The following NRXN3 variants were observed in gnomAD, a reference collection of about 807,000 sequenced individuals.
NRXN3 encodes the protein neurexin III.
In NRXN3, 32 loss-of-function variants were observed where a neutral mutation model predicts 137.6. The ratio of observed to expected loss-of-function variants is 0.23; its 90% CI spans 0.18 to 0.31. The LOEUF (loss-of-function observed/expected upper bound fraction) is 0.31. Ranked by LOEUF, NRXN3 falls within the 10% of genes least tolerant of loss-of-function variation. The pLI is 1.00. For synonymous variants in NRXN3, 798 were observed against 784.5 expected (o/e 1.02, Z -0.29); for missense variants, 1,574 against 2,062.5 (o/e 0.76, Z 4.59).
At chr14:78,273,680 A>G (rs2073135830) in intron 2 of NRXN3, among the ~76,000 whole-genome samples, 1 of 152,200 alleles carries the variant, frequency 6.6e-6, no homozygotes, top group South Asian at 2.1e-4. Context: ...ATATGTGTGT[A>G]TACATATGTG....
chr14:79,855,582 A>C lies in NRXN3; in HGVS notation c.4094-5760A>C, dbSNP rs149567418. On this transcript the variant is annotated intron_variant, in intron 20 of 20. Coordinates refer to ENST00000335750, the MANE Select transcript of NRXN3 (RefSeq NM_001330195.2). ...ATAAAATGTTATTTTTAAAAAATAC[A>C]AGCTATTTGAATTATAAATTATTTC... Among the ~76,000 whole-genome samples the C allele has an allele frequency of 3.2e-3, 481 of 152,258 alleles. 3 individuals carry two copies. Among genetic ancestry groups the C allele is most frequent in the African/African-American group, 0.011 (459 of 41,578 alleles).
At chr14:78,431,863 G>A (rs1439967320) in intron 4 of NRXN3, among the ~76,000 whole-genome samples, 2 of 152,064 alleles carry the variant, frequency 1.3e-5, no homozygotes, top group Non-Finnish European at 2.9e-5. Context: ...ACATTCCTTG[G>A]AGGTAAGTAT....
chr14:79,699,039 G>A (rs11159412), intron 19 of NRXN3, among the ~76,000 whole-genome samples: 88,069 of 151,760 alleles, frequency 0.58, 26,343 homozygotes, highest in East Asian at 0.8. Context: ...ACAGCTCTTT[G>A]CATGGCTCCA....
chr14:79,530,854 C>A (rs113818521), intron 16 of NRXN3, among the ~76,000 whole-genome samples: 1 of 152,080 alleles, frequency 6.6e-6, no homozygotes, highest in Non-Finnish European at 1.5e-5. Context: ...TTGTTGTGCT[C>A]CCTTTTTCTT....
chr14:79,814,897 A>G (rs1022130372), intron 20 of NRXN3, among the ~76,000 whole-genome samples: 24 of 149,734 alleles, frequency 1.6e-4, no homozygotes, highest in Non-Finnish European at 1.5e-4. Context: ...TGAGGATGGG[A>G]AAAAAAAACT....
chr14:78,375,014 A>G (rs2087558619), intron 4 of NRXN3, among the ~76,000 whole-genome samples: 1 of 152,226 alleles, frequency 6.6e-6, no homozygotes. Context: ...AATGTTTGCC[A>G]TTCTGGCTTC....
chr14:79,225,413 T>C (rs1597473931), intron 15 of NRXN3, among the ~76,000 whole-genome samples: 1 of 152,338 alleles, frequency 6.6e-6, no homozygotes, highest in South Asian at 2.1e-4. Flanking sequence ...TCTGAGTTTC[T>C]TTCTACTCCG....
intron 17 of NRXN3, among the ~76,000 whole-genome samples, chr14:79,687,605 A>G (rs1209884773): frequency 6.6e-6 from 1 of 152,198 alleles, no homozygotes; most frequent in African/African-American, 2.4e-5. Flanking sequence ...TCAGGGCTCA[A>G]GACAAAATTC....
intron 8 of NRXN3, among the ~76,000 whole-genome samples, chr14:78,789,245 A>G (rs1055392290): frequency 5.3e-5 from 8 of 152,132 alleles, no homozygotes; most frequent in African/African-American, 1.9e-4. Context: ...TAATATCTAA[A>G]CTTCCTAACT....
intron 15 of NRXN3, among the ~76,000 whole-genome samples, chr14:79,395,402 C>G (rs1265656425): frequency 6.6e-6 from 1 of 152,182 alleles, no homozygotes; most frequent in African/African-American, 2.4e-5. Context: ...TTCATAAAGG[C>G]AAAACAGTGC....
At chr14:79,410,205 A>G (rs988190082) in intron 15 of NRXN3, among the ~76,000 whole-genome samples, 2 of 151,748 alleles carry the variant, frequency 1.3e-5, no homozygotes, top group African/African-American at 4.8e-5. Context: ...ACACACACGC[A>G]CACACACACG....
At chr14:79,534,254 A>C (rs2097193109) in intron 16 of NRXN3, among the ~76,000 whole-genome samples, 2 of 152,162 alleles carry the variant, frequency 1.3e-5, no homozygotes, top group South Asian at 4.1e-4. Context: ...TAGCTGCCCA[A>C]TTTATGGCCA....
intron 15 of NRXN3, among the ~76,000 whole-genome samples, chr14:78,995,907 G>A (rs574889933): frequency 6.6e-6 from 1 of 152,196 alleles, no homozygotes; most frequent in South Asian, 2.1e-4. Flanking sequence ...TTAACCTTTG[G>A]TGTTATCTTT....
Position 79,828,545 on chromosome 14 carries a change from G to A in NRXN3, c.4093+23355G>A, listed in dbSNP as rs552806034. On this transcript the variant is annotated intron_variant, in intron 20 of 20. Coordinates refer to ENST00000335750, the MANE Select transcript of NRXN3 (RefSeq NM_001330195.2). The stretch of plus-strand genomic sequence containing the variant: ...TGAGCCAGGAGAATTGCTTGAACCC[G>A]GGAGGTGGAGGTTACAGTGAGCCGA... 1.2e-4 allele frequency among the ~76,000 whole-genome samples: 17 copies of A among 145,550 alleles called. No homozygotes were observed. The East Asian group carries it at 1.7e-3, about 15-fold the overall frequency.
At chr14:79,003,313 C>T (rs561333962) in intron 15 of NRXN3, among the ~76,000 whole-genome samples, 1 of 152,168 alleles carries the variant, frequency 6.6e-6, no homozygotes, top group South Asian at 2.1e-4. Flanking sequence ...GCAATTTTTG[C>T]AGCCTCTGTA....
intron 15 of NRXN3, among the ~76,000 whole-genome samples, chr14:79,218,543 C>T (rs979427925): frequency 2.0e-5 from 3 of 152,004 alleles, no homozygotes; most frequent in African/African-American, 7.3e-5. Flanking sequence ...GAAGAGATGA[C>T]AATGTCGGTT....
chr14:78,245,419 A>G (rs2067531786), intron 2 of NRXN3, among the ~76,000 whole-genome samples: 1 of 152,196 alleles, frequency 6.6e-6, no homozygotes, highest in Non-Finnish European at 1.5e-5. Flanking sequence ...GGGAGGCCAG[A>G]TGGCTGGTGC....
At chr14:78,579,209 C>T (rs2096966903) in intron 4 of NRXN3, among the ~76,000 whole-genome samples, 1 of 152,202 alleles carries the variant, frequency 6.6e-6, no homozygotes, top group South Asian at 2.1e-4. Flanking sequence ...ATGCCTTCTA[C>T]TAGTATGACA....
intron 20 of NRXN3, among the ~76,000 whole-genome samples, chr14:79,838,332 CTG>C (rs2099348671): frequency 6.6e-6 from 1 of 152,198 alleles, no homozygotes; most frequent in African/African-American, 2.4e-5. Context: ...CAGGGAAGGA[CTG>C]TGTGTGAACA....
Sources: gnomAD v4.1 joint callset for allele counts (sites outside exome capture counted in the v4.1 genomes callset) on GRCh38, gnomAD v4.1.1 for gene constraint, MANE v1.5 for transcripts, NCBI Gene and HGNC (gene_info 2026-07-23, HGNC 2026-07-21) for gene names.